Variants in CHRM3 observed in about 807,000 individuals in gnomAD.
CHRM3 encodes muscarinic acetylcholine receptor M3.
In CHRM3, 11 loss-of-function variants were observed where a neutral mutation model predicts 41.8. The ratio of observed to expected loss-of-function variants is 0.26; its 90% CI spans 0.17 to 0.44. The LOEUF (loss-of-function observed/expected upper bound fraction) is 0.44, where lower values mean the gene tolerates loss of function less well. Ranked by LOEUF, CHRM3 falls within the 20% of genes least tolerant of loss-of-function variation. The probability of loss-of-function intolerance (pLI) is 1.00; values close to 1 mark genes in which losing one functional copy is unlikely to be tolerated. For synonymous variants in CHRM3, 297 were observed against 301.4 expected, an observed-to-expected ratio of 0.99 and a Z score of 0.15; for missense variants, 571 against 745.4, an observed-to-expected ratio of 0.77 and a Z score of 2.72.
At chr1:239,658,846 C>T (rs950928856) in intron 4 of CHRM3, among the ~76,000 whole-genome samples, 4 of 151,864 alleles carry the variant, frequency 2.6e-5, no homozygotes, top group African/African-American at 9.7e-5. Flanking sequence ...TCAAGCGATT[C>T]TCCCACCTCA....
chr1:239,733,104 G>A (rs1664099211), intron 5 of CHRM3, among the ~76,000 whole-genome samples: 1 of 152,016 alleles, frequency 6.6e-6, no homozygotes, highest in South Asian at 2.1e-4. Context: ...CAGTAAAGAT[G>A]TTACGGCACA....
At chr1:239,614,329 CAG>C (rs1375918972) in intron 3 of CHRM3, among the ~76,000 whole-genome samples, 4 of 152,216 alleles carry the variant, frequency 2.6e-5, no homozygotes, top group South Asian at 4.2e-4. Context: ...AAAAATTAAT[CAG>C]AGAGTGTGAC....
chr1:239,389,400 T>C (rs1244582429), intron 1 of CHRM3, among the ~76,000 whole-genome samples: 1 of 152,220 alleles, frequency 6.6e-6, no homozygotes, highest in East Asian at 1.9e-4. Context: ...AAGTATTATT[T>C]ACTTCTGAAG....
In CHRM3 at chr1:239,507,468, C is replaced by T. The variant is rs568089487; in HGVS notation, c.-422+14661C>T. The stretch of plus-strand genomic sequence containing the variant: ...ATTGTGAGTCCTCCATCCCCACCCA[C>T]GTGGAACTGTAAGTCCAATAAACTT... On this transcript the variant is annotated intron_variant, in intron 2 of 6. Coordinates refer to ENST00000676153, the MANE Select transcript of CHRM3 (RefSeq NM_001375978.1). Among the ~76,000 whole-genome samples, 8 of 152,332 alleles carry T rather than the reference C, an allele frequency of 5.3e-5. No homozygotes were observed. The East Asian group carries it at 1.3e-3, about 26-fold the overall frequency.
intron 5 of CHRM3, among the ~76,000 whole-genome samples, chr1:239,788,826 A>G: frequency 6.6e-6 from 1 of 152,186 alleles, no homozygotes; most frequent in East Asian, 1.9e-4. Context: ...ACTGTAATAT[A>G]CTTTAAATCT....
intron 5 of CHRM3, among the ~76,000 whole-genome samples, chr1:239,782,289 G>T (rs1438329364): frequency 6.6e-6 from 1 of 152,012 alleles, no homozygotes; most frequent in Non-Finnish European, 1.5e-5. Flanking sequence ...TTTCTCTAAT[G>T]GATATAGGCC....
chr1:239,612,056 T>C (rs1360165692), intron 3 of CHRM3, among the ~76,000 whole-genome samples: 2 of 152,178 alleles, frequency 1.3e-5, no homozygotes, highest in South Asian at 2.1e-4. Context: ...AGCTCTCTGC[T>C]TTCTCATCTC....
At chr1:239,427,097 A>C (rs1174653983) in intron 1 of CHRM3, among the ~76,000 whole-genome samples, 2 of 152,142 alleles carry the variant, frequency 1.3e-5, no homozygotes, top group Non-Finnish European at 2.9e-5. Flanking sequence ...CGTGTGTGAA[A>C]ATTGGAAAAA....
chr1:239,775,105 TAGTC>T (rs1667986663), intron 5 of CHRM3, among the ~76,000 whole-genome samples: 1 of 152,216 alleles, frequency 6.6e-6, no homozygotes, highest in African/African-American at 2.4e-5. Context: ...CATGTTCTGA[TAGTC>T]TGTCTTATCT....
At chr1:239,657,353 A>G (rs1052556617) in intron 4 of CHRM3, among the ~76,000 whole-genome samples, 2 of 152,206 alleles carry the variant, frequency 1.3e-5, no homozygotes, top group African/African-American at 4.8e-5. Context: ...TCTTAATACT[A>G]TTTCACTCAG....
chr1:239,552,627 A>ATATTAGTAT (rs1659978121), intron 3 of CHRM3, among the ~76,000 whole-genome samples: 2 of 139,760 alleles, frequency 1.4e-5, no homozygotes, highest in Non-Finnish European at 1.5e-5. Context: ...CACCTGACTA[A>ATATTAGTAT]TATTATTATT....
intron 5 of CHRM3, among the ~76,000 whole-genome samples, chr1:239,761,174 C>G (rs1195870655): frequency 6.6e-6 from 1 of 152,034 alleles, no homozygotes; most frequent in East Asian, 1.9e-4. Context: ...TGCTATTAAT[C>G]CAAGATAGTG....
intron 6 of CHRM3, among the ~76,000 whole-genome samples, chr1:239,860,123 G>A (rs1025827436): frequency 8.5e-5 from 13 of 152,108 alleles, no homozygotes; most frequent in Admixed American, 7.9e-4. Context: ...CAGATGATTA[G>A]AATTTCTCAG....
In CHRM3 at chr1:239,530,668, A is replaced by C. The variant is rs183003082; in HGVS notation, c.-421-14973A>C. Among the ~76,000 whole-genome samples the C allele has an allele frequency of 8.5e-5, 13 of 152,336 alleles. No individual in the cohort carries two copies. The East Asian group carries it at 2.5e-3, about 29-fold the overall frequency. ...CCTTCACCAAATGGAGAATATCCGTAAAGAGGCAGAAATTATGTAAAATAA... is the reference window on the plus strand; with the variant it reads ...CCTTCACCAAATGGAGAATATCCGTCAAGAGGCAGAAATTATGTAAAATAA... On this transcript the variant is annotated intron_variant, in intron 2 of 6. Coordinates refer to ENST00000676153, the MANE Select transcript of CHRM3 (RefSeq NM_001375978.1).
At chr1:239,548,622 G>T (rs1255519551) in intron 3 of CHRM3, among the ~76,000 whole-genome samples, 2 of 152,168 alleles carry the variant, frequency 1.3e-5, no homozygotes, top group Admixed American at 1.3e-4. Flanking sequence ...GGGCATAAAG[G>T]CTTTGAGGGT....
At chr1:239,799,232 CTT>C (rs2148908638) in intron 5 of CHRM3, among the ~76,000 whole-genome samples, 1 of 152,224 alleles carries the variant, frequency 6.6e-6, no homozygotes, top group Non-Finnish European at 1.5e-5. Flanking sequence ...CATGGGTAGA[CTT>C]AGAGAGAGCA....
intron 1 of CHRM3, among the ~76,000 whole-genome samples, chr1:239,417,279 C>T (rs1338960310): frequency 6.6e-6 from 1 of 152,180 alleles, no homozygotes; most frequent in African/African-American, 2.4e-5. Flanking sequence ...TTCATGGTAG[C>T]ATAAGAATAT....
At chr1:239,719,967 G>A (rs557150867) in intron 5 of CHRM3, among the ~76,000 whole-genome samples, 1 of 152,108 alleles carries the variant, frequency 6.6e-6, no homozygotes, top group East Asian at 1.9e-4. Flanking sequence ...GATGGCAAAA[G>A]CAGTTAATTG....
intron 1 of CHRM3, among the ~76,000 whole-genome samples, chr1:239,457,487 G>A (rs1665038666): frequency 6.6e-6 from 1 of 152,122 alleles, no homozygotes; most frequent in African/African-American, 2.4e-5. Flanking sequence ...AATTTAATAT[G>A]TATAGTATAA....
Sources: allele counts gnomAD v4.1 joint callset (sites outside exome capture counted in the v4.1 genomes callset), GRCh38; gene constraint gnomAD v4.1.1; transcripts MANE v1.5; gene names NCBI Gene and HGNC (gene_info 2026-07-23, HGNC 2026-07-21).